The following PPT2 variants were observed in gnomAD, a reference collection of about 807,000 sequenced individuals.
PPT2 encodes palmitoyl-protein thioesterase 2.
In PPT2, 20 loss-of-function variants were observed where a neutral mutation model predicts 37.3. The ratio of observed to expected loss-of-function variants is 0.54; its 90% confidence interval spans 0.38 to 0.78. The LOEUF (loss-of-function observed/expected upper bound fraction) is 0.78, where lower values mean the gene tolerates loss of function less well. PPT2 is among the 30% of genes least tolerant of loss of function. The probability of loss-of-function intolerance (pLI) is 0.00; values close to 1 mark genes in which losing one functional copy is unlikely to be tolerated. For missense variants in PPT2, 270 were observed against 389.8 expected (o/e 0.69, Z 2.59); for synonymous variants, 135 against 159.1 (o/e 0.85, Z 1.14).
chr6:32,154,828 AG>A lies in PPT2; in HGVS notation c.183+55del. ...GGGCGTTAGAGGCGTCTACTGTGGCAGGGGAGGGAGAGCGGGGAACTGAAAG... is the reference window on the plus strand; with the variant it reads ...GGGCGTTAGAGGCGTCTACTGTGGCAGGGAGGGAGAGCGGGGAACTGAAAG... On this transcript the variant is annotated intron_variant, in intron 2 of 8. Transcript: ENST00000324816. The surrounding 1 kb of genome is among the most constrained non-coding windows in gnomAD (Gnocchi z 7.3). 1 of 1,577,446 alleles carries A rather than the reference AG, an allele frequency of 6.3e-7. No homozygotes were observed. The highest frequency in any genetic ancestry group is 8.6e-7 in the Non-Finnish European group (1 of 1,156,686).
chr6:32,157,789 C>T (rs1783893032), intron 6 of PPT2, 51 bp from the exon 7 acceptor site: 1 of 1,579,168 alleles, frequency 6.3e-7, no homozygotes, highest in Non-Finnish European at 8.7e-7. Context: ...CCCTCTCCAA[C>T]CTGGCCTGAC....
rs941565441 is a variant in PPT2 at position 32,162,599 on chromosome 6, G to A, written c.742G>A (p.Val248Ile). The stretch of plus-strand genomic sequence containing the variant: ...TGGTTTCTATGATGCAAATGAGACC[G>A]TCCTGGAGATGGAGGAGCAACTGGT... ...FFGFYDANET[V>I]LEMEEQLVYL... Residue 248 changes from valine (V) to isoleucine (I), a missense_variant, in exon 8 of 9, where the codon GTC becomes ATC. Coordinates refer to ENST00000324816, the MANE Select transcript of PPT2 (RefSeq NM_005155.7). The surrounding 1 kb of genome is among the most constrained non-coding windows in gnomAD (Gnocchi z 5.5). 9 of 1,610,940 alleles carry A rather than the reference G, an allele frequency of 5.6e-6. No individual in the cohort carries two copies. The highest frequency in any genetic ancestry group is 4.5e-5 in the East Asian group (2 of 44,888).
rs1561814795 is a variant in PPT2 at position 32,155,911 on chromosome 6, G to C, written c.474G>C (p.Arg158=). 6.2e-7 allele frequency: 1 copy of C among 1,613,910 alleles called. No individual in the cohort carries two copies. The highest frequency in any genetic ancestry group is 1.7e-5 in the Admixed American group (1 of 59,978). Residue 158 remains arginine, a synonymous_variant, in exon 5 of 9, where the codon CGG becomes CGC. Coordinates refer to ENST00000324816, the MANE Select transcript of PPT2 (RefSeq NM_005155.7). This position sits in a 1 kb window ranked among gnomAD's most constrained non-coding sequence, Gnocchi z 4.3. ...AGTGGCTGTTCCCCACCTCCATGCG[G>C]TCTAACCTCTATCGGATCTGCTATA... ...YLKWLFPTSM[R]SNLYRICYSP...
At chr6:32,159,999 C>T (rs1000407887) in intron 7 of PPT2, among the ~76,000 whole-genome samples, 16 of 150,928 alleles carry the variant, frequency 1.1e-4, no homozygotes, top group Non-Finnish European at 1.9e-4. Context: ...GGATTACAGG[C>T]GTGAGCCACT....
At chr6:32,160,486 A>G (rs1784085017) in intron 7 of PPT2, among the ~76,000 whole-genome samples, 1 of 151,378 alleles carries the variant, frequency 6.6e-6, no homozygotes. Context: ...GCTGGCTAAC[A>G]TTGAGAAACC....
chr6:32,157,647 C>G lies in PPT2; in HGVS notation c.552C>G (p.His184Gln). The change falls in exon 6 of 9, where the codon CAC becomes CAG. Residue 184 changes from histidine to glutamine, a missense_variant. Coordinates refer to ENST00000324816, the MANE Select transcript of PPT2 (RefSeq NM_005155.7). ...GCTGTTTGTACCCAGATCCCCACCA[C>G]GATGACTTGTACCTCAATGCCAGCA... ...SICNYWHDPH[H>Q]DDLYLNASSF... 1 of 1,596,802 alleles carries G rather than the reference C, an allele frequency of 6.3e-7. No homozygotes were observed. Among genetic ancestry groups the G allele is most frequent in the South Asian group, 1.1e-5 (1 of 90,648 alleles).
In PPT2 at chr6:32,155,584, CTGTGTGTG is replaced by C. The variant is rs28359849; in HGVS notation, c.338-77_338-70del. 113 of 698,592 alleles carry C rather than the reference CTGTGTGTG, an allele frequency of 1.6e-4. No homozygotes were observed. The highest frequency in any genetic ancestry group is 8.1e-4 in the East Asian group (30 of 36,970). The allele number at this position is 698,592 out of a possible 1,614,324, so 43.3% of individuals were successfully genotyped here. Reference sequence around the variant, plus strand: ...GTACAGTGTGTGTCTGTGTGTGTCTCTGTGTGTGTGTGTGTGTGTGTGTGTGTGTGTGT... The same window carrying C: ...GTACAGTGTGTGTCTGTGTGTGTCTCTGTGTGTGTGTGTGTGTGTGTGTGT... On this transcript the variant is annotated intron_variant, in intron 3 of 8. Coordinates refer to ENST00000324816, the MANE Select transcript of PPT2 (RefSeq NM_005155.7). The surrounding 1 kb of genome is among the most constrained non-coding windows in gnomAD (Gnocchi z 4.3).
intron 7 of PPT2, among the ~76,000 whole-genome samples, chr6:32,161,295 T>C (rs898476686): frequency 5.3e-5 from 8 of 152,118 alleles, no homozygotes; most frequent in Non-Finnish European, 4.4e-5. Context: ...TCTTTTTGTT[T>C]GTTTGTTTGT....
At position 32,154,333 on chromosome 6, in the gene PPT2, T is replaced by A; in HGVS notation, c.-80T>A. ...GTTGTTCATGGCTGAGGCGATGCATTAGGAAGATCCTGGACCTAGAGAACA... is the reference window on the plus strand; with the variant it reads ...GTTGTTCATGGCTGAGGCGATGCATAAGGAAGATCCTGGACCTAGAGAACA... On this transcript the variant is annotated 5_prime_UTR_variant, in exon 1 of 9. The change abolishes the stop of an existing upstream ORF in the 5' untranslated region. Transcript: ENST00000324816. The surrounding 1 kb of genome is among the most constrained non-coding windows in gnomAD (Gnocchi z 7.3). 7.1e-7 allele frequency: 1 copy of A among 1,399,640 alleles called. No individual in the cohort carries two copies. The highest frequency in any genetic ancestry group is 9.2e-7 in the Non-Finnish European group (1 of 1,081,686). The allele number at this position is 1,399,640 out of a possible 1,614,324, so 86.7% of individuals were successfully genotyped here.
chr6:32,154,085 C>T (rs1399336468), upstream of PPT2: 1 of 1,093,062 alleles, frequency 9.1e-7, no homozygotes, highest in Non-Finnish European at 1.1e-6. The surrounding 1 kb of genome is among the most constrained non-coding windows in gnomAD (Gnocchi z 7.3). Flanking sequence ...CAGAGAAAGC[C>T]CCGGACGTGA....
In PPT2 at chr6:32,161,651, C is replaced by T. The variant is rs189396381; in HGVS notation, c.711-917C>T. ...TCGCCAGGCTGGAGTGCAGTGGCGC[C>T]ATCCCGGCTCACTGCAACCTTTGCG... On this transcript the variant is annotated intron_variant, in intron 7 of 8. Coordinates refer to ENST00000324816, the MANE Select transcript of PPT2 (RefSeq NM_005155.7). Among the ~76,000 whole-genome samples, 357 of 149,276 alleles carry T rather than the reference C, an allele frequency of 2.4e-3. 2 individuals carry two copies. Among genetic ancestry groups the T allele is most frequent in the African/African-American group, 8.4e-3 (340 of 40,320 alleles).
Position 32,154,857 on chromosome 6 carries a change from A to G in PPT2, c.183+80A>G. 6.5e-7 allele frequency: 1 copy of G among 1,541,552 alleles called. No homozygotes were observed. The highest frequency in any genetic ancestry group is 8.8e-7 in the Non-Finnish European group (1 of 1,135,884). On this transcript the variant is annotated intron_variant, in intron 2 of 8. Coordinates refer to ENST00000324816, the MANE Select transcript of PPT2 (RefSeq NM_005155.7). The surrounding 1 kb of genome is among the most constrained non-coding windows in gnomAD (Gnocchi z 7.3). ...GAGGGAGAGCGGGGAACTGAAAGCC[A>G]CCCCTCTGGGCCTGCCCAGTTCCTC... is the stretch of plus-strand genomic sequence containing the variant.
Position 32,155,687 on chromosome 6 carries a change from G to T in PPT2, c.338-1G>T, listed in dbSNP as rs1183853150. 1 of 1,613,682 alleles carries T rather than the reference G, an allele frequency of 6.2e-7. No homozygotes were observed. The highest frequency in any genetic ancestry group is 8.5e-7 in the Non-Finnish European group (1 of 1,179,850). On this transcript the variant is annotated splice_acceptor_variant, in intron 3 of 8. Coordinates refer to ENST00000324816, the MANE Select transcript of PPT2 (RefSeq NM_005155.7). LOFTEE classifies it high-confidence loss of function. This position sits in a 1 kb window ranked among gnomAD's most constrained non-coding sequence, Gnocchi z 4.3. Reference sequence around the variant, plus strand: ...TGCCCAATGTGGTGTTCTGCTTACAGGGGGCCTTGTGTGCCGGGCTCTGCT... The same window carrying T: ...TGCCCAATGTGGTGTTCTGCTTACATGGGGCCTTGTGTGCCGGGCTCTGCT...
chr6:32,158,581 G>T (rs1205393618), intron 7 of PPT2, among the ~76,000 whole-genome samples: 1 of 152,200 alleles, frequency 6.6e-6, no homozygotes, highest in Non-Finnish European at 1.5e-5. Context: ...GTAAATAAAA[G>T]AGAAGTCCCT....
At chr6:32,157,585 C>A in intron 5 of PPT2, 52 bp from the exon 6 acceptor site, 2 of 1,448,114 alleles carry the variant, frequency 1.4e-6, no homozygotes, top group Non-Finnish European at 1.9e-6. Flanking sequence ...CTTTTCACCA[C>A]CAGTCTTGCC....
At position 32,154,813 on chromosome 6, in the gene PPT2, G is replaced by A. The variant is rs2127386512; in HGVS notation, c.183+36G>A. 6.3e-7 allele frequency: 1 copy of A among 1,593,522 alleles called. No homozygotes were observed. The highest frequency in any genetic ancestry group is 8.6e-7 in the Non-Finnish European group (1 of 1,165,974). ...GGACACCTGGGTGCAGGGCGTTAGA[G>A]GCGTCTACTGTGGCAGGGGAGGGAG... On this transcript the variant is annotated intron_variant, in intron 2 of 8. Transcript: ENST00000324816. This position sits in a 1 kb window ranked among gnomAD's most constrained non-coding sequence, Gnocchi z 7.3.
chr6:32,153,874 C>T, upstream of PPT2: 1 of 1,147,400 alleles, frequency 8.7e-7, no homozygotes, highest in Non-Finnish European at 1.2e-6. This position sits in a 1 kb window ranked among gnomAD's most constrained non-coding sequence, Gnocchi z 4.4. Flanking sequence ...GCGGGGAAAT[C>T]GGACTTTTGG....
intron 7 of PPT2, among the ~76,000 whole-genome samples, chr6:32,161,824 T>G (rs1434707325): frequency 6.6e-6 from 1 of 152,014 alleles, no homozygotes; most frequent in Non-Finnish European, 1.5e-5. Flanking sequence ...CCTCAGATGA[T>G]CCACCCTCCT....
rs574277753 is a variant in PPT2 at position 32,162,703 on chromosome 6, G to T, written c.765+81G>T. 2 of 1,575,674 alleles carry T rather than the reference G, an allele frequency of 1.3e-6. No individual in the cohort carries two copies. Among genetic ancestry groups the T allele is most frequent in the Admixed American group, 3.3e-5 (2 of 59,896 alleles). Reference sequence around the variant, plus strand: ...CCCTCTCTGTGACTCCTGAGCTGAAGGGTTCACCCTGTGGGGAGGAGGTCC... The same window carrying T: ...CCCTCTCTGTGACTCCTGAGCTGAATGGTTCACCCTGTGGGGAGGAGGTCC... On this transcript the variant is annotated intron_variant, in intron 8 of 8. Transcript: ENST00000324816. The surrounding 1 kb of genome is among the most constrained non-coding windows in gnomAD (Gnocchi z 5.5).
Sources: allele counts gnomAD v4.1 joint callset (sites outside exome capture counted in the v4.1 genomes callset), GRCh38; gene constraint gnomAD v4.1.1; non-coding constraint Gnocchi (gnomAD v3.1); transcripts MANE v1.5; gene names NCBI Gene and HGNC (gene_info 2026-07-23, HGNC 2026-07-21).